SYT16: variants seen among roughly 807,000 people sequenced by gnomAD.
The protein encoded by SYT16 is synaptotagmin-16.
Under a neutral mutation model 61.4 loss-of-function variants are expected in SYT16, and 42 were observed. That is an observed-to-expected ratio of 0.68 (90% CI 0.53 to 0.89). The LOEUF (loss-of-function observed/expected upper bound fraction) is 0.89, where lower values mean the gene tolerates loss of function less well. Among genes scored for constraint, SYT16 ranks in the 40% least tolerant of loss-of-function variants. The pLI, the probability that SYT16 is intolerant of heterozygous loss-of-function variation, is 0.00. For missense variants in SYT16, 804 were observed against 807.3 expected, an observed-to-expected ratio of 1.00 and a Z score of 0.05; for synonymous variants, 314 against 302.3, an observed-to-expected ratio of 1.04 and a Z score of -0.40.
intron 3 of SYT16, among the ~76,000 whole-genome samples, chr14:62,055,834 A>G (rs1419702996): frequency 6.6e-6 from 1 of 152,200 alleles, no homozygotes; most frequent in Non-Finnish European, 1.5e-5. Flanking sequence ...AAGTTCTGCA[A>G]TAGGCTATCT....
chr14:61,886,494 G>C (rs899326768), intron 1 of SYT16, among the ~76,000 whole-genome samples: 1 of 152,156 alleles, frequency 6.6e-6, no homozygotes, highest in Non-Finnish European at 1.5e-5. Context: ...TGTCCACAGC[G>C]TCTTCACCAG....
At position 61,996,082 on chromosome 14, in the gene SYT16, A is replaced by G. The variant is rs769923716; in HGVS notation, c.63A>G (p.Ile21Met). 21 of 1,612,108 alleles carry G rather than the reference A, an allele frequency of 1.3e-5. No individual in the cohort carries two copies. The South Asian group carries it at 2.2e-4, about 17-fold the overall frequency. ...TCTTCCAGCCTTTCTCTTCCTGGAT[A>G]TCTCGGGTTTATGAAGCTCTCCAGC... ...QNFFQPFSSW[I>M]SRVYEALQQA... Residue 21 changes from isoleucine (I) to methionine (M), a missense_variant, in exon 3 of 8, where the codon ATA (isoleucine) becomes ATG (methionine). Coordinates refer to ENST00000683842, the MANE Select transcript of SYT16 (RefSeq NM_001367656.1).
intron 3 of SYT16, among the ~76,000 whole-genome samples, chr14:62,051,177 C>A (rs950726608): frequency 6.6e-5 from 10 of 152,240 alleles, no homozygotes; most frequent in African/African-American, 2.4e-4. Flanking sequence ...ATGGCAGGCG[C>A]CCCTCCCCCA....
In SYT16 at chr14:61,916,350, A is replaced by G. The variant is rs79364596; in HGVS notation, c.-324-53782A>G. 6.2e-3 allele frequency among the ~76,000 whole-genome samples: 944 copies of G among 152,278 alleles called. 9 individuals are homozygous for G. The highest frequency in any genetic ancestry group is 0.017 in the African/African-American group (715 of 41,566). On this transcript the variant is annotated intron_variant, in intron 1 of 7. Coordinates refer to ENST00000683842, the MANE Select transcript of SYT16 (RefSeq NM_001367656.1). ...TGAAGAAAATAAATTTCCATTTCAC[A>G]AATGCATTGTATGTGCAGTCTTTTG...
At chr14:61,859,110 C>T (rs558988326) in intron 1 of SYT16, among the ~76,000 whole-genome samples, 3 of 152,186 alleles carry the variant, frequency 2.0e-5, no homozygotes, top group South Asian at 2.1e-4. Flanking sequence ...TCGCCCGCCT[C>T]GGCCTCCCAA....
At chr14:61,834,768 T>A (rs1218241421) in intron 1 of SYT16, among the ~76,000 whole-genome samples, 1 of 152,172 alleles carries the variant, frequency 6.6e-6, no homozygotes, top group African/African-American at 2.4e-5. Context: ...AGATCACCCA[T>A]CCATCTATCC....
At chr14:62,011,310 C>T (rs1280799664) in intron 3 of SYT16, among the ~76,000 whole-genome samples, 4 of 152,114 alleles carry the variant, frequency 2.6e-5, no homozygotes, top group Non-Finnish European at 5.9e-5. Context: ...GCTCCATTCT[C>T]AAGCTCCATG....
At chr14:61,930,879 G>A (rs2049739483) in intron 1 of SYT16, among the ~76,000 whole-genome samples, 1 of 152,134 alleles carries the variant, frequency 6.6e-6, no homozygotes, top group Admixed American at 6.5e-5. Flanking sequence ...GTAGAGGCAG[G>A]AAAAGATAAG....
chr14:61,844,365 A>G (rs750176180), intron 1 of SYT16, among the ~76,000 whole-genome samples: 9 of 151,976 alleles, frequency 5.9e-5, no homozygotes, highest in Non-Finnish European at 1.2e-4. Context: ...TCCAATTTGG[A>G]TGCCCTTTAT....
At position 62,102,506 on chromosome 14, in the gene SYT16, G is replaced by C. The variant is rs912099052; in HGVS notation, c.*1799G>C. 6.6e-6 allele frequency: 1 copy of C among 152,082 alleles called. No homozygotes were observed. Among genetic ancestry groups the C allele is most frequent in the Non-Finnish European group, 1.5e-5 (1 of 68,020 alleles). 9.4% of individuals were successfully genotyped at this position (152,082 alleles called of 1,614,324 possible). A position where few individuals can be genotyped will look rare whatever the true frequency, so the allele number is the denominator to read the frequency against. On this transcript the variant is annotated 3_prime_UTR_variant, in exon 8 of 8. Coordinates refer to ENST00000683842, the MANE Select transcript of SYT16 (RefSeq NM_001367656.1). ...ACCTTTCTTTGGGAGATCTCAGAGTGCTTTTCCAGCATTATATCCATTAAC... is the reference window on the plus strand; with the variant it reads ...ACCTTTCTTTGGGAGATCTCAGAGTCCTTTTCCAGCATTATATCCATTAAC...
intron 1 of SYT16, among the ~76,000 whole-genome samples, chr14:61,839,731 T>C (rs915899150): frequency 2.6e-5 from 4 of 152,188 alleles, no homozygotes; most frequent in Non-Finnish European, 5.9e-5. Flanking sequence ...AAAATCGTAA[T>C]TTATTTTTTA....
chr14:62,069,126 GAAAAT>G (rs57746842), intron 3 of SYT16, among the ~76,000 whole-genome samples: 7,580 of 152,222 alleles, frequency 0.05, 353 homozygotes, highest in African/African-American at 0.13. Context: ...AAAGCTTTTG[GAAAAT>G]AAAATCGTGT....
At chr14:61,969,875 AG>A (rs2051474809) in intron 1 of SYT16, among the ~76,000 whole-genome samples, 2 of 152,164 alleles carry the variant, frequency 1.3e-5, no homozygotes, top group African/African-American at 4.8e-5. Flanking sequence ...TCCAGGTAGA[AG>A]AAACTACACA....
At chr14:61,948,702 A>G (rs2140470127) in intron 1 of SYT16, among the ~76,000 whole-genome samples, 1 of 152,282 alleles carries the variant, frequency 6.6e-6, no homozygotes, top group South Asian at 2.1e-4. Context: ...CCACGAGAAA[A>G]ATGCAGAAAA....
chr14:61,815,880 C>T (rs184057675), intron 1 of SYT16, among the ~76,000 whole-genome samples: 4 of 152,254 alleles, frequency 2.6e-5, no homozygotes, highest in Admixed American at 2.0e-4. Context: ...GCATATGTTG[C>T]ATTATTAGTA....
chr14:61,859,549 G>A (rs900423248), intron 1 of SYT16, among the ~76,000 whole-genome samples: 3 of 151,814 alleles, frequency 2.0e-5, no homozygotes, highest in East Asian at 3.9e-4. Flanking sequence ...AGAGAGAGCT[G>A]TTTCTCTTCT....
At chr14:61,836,250 C>A (rs954740839) in intron 1 of SYT16, among the ~76,000 whole-genome samples, 6 of 152,192 alleles carry the variant, frequency 3.9e-5, no homozygotes, top group African/African-American at 1.4e-4. Context: ...GTACCTTCCA[C>A]CTCTTTGTGC....
At chr14:61,870,796 C>G (rs373452666) in intron 1 of SYT16, among the ~76,000 whole-genome samples, 5 of 152,108 alleles carry the variant, frequency 3.3e-5, no homozygotes, top group African/African-American at 9.7e-5. Flanking sequence ...TGACCTATGT[C>G]TCTTTTTATC....
At chr14:61,897,023 A>G (rs1031860001) in intron 1 of SYT16, among the ~76,000 whole-genome samples, 1 of 152,244 alleles carries the variant, frequency 6.6e-6, no homozygotes, top group African/African-American at 2.4e-5. Flanking sequence ...GTATGAGCAA[A>G]GAATAGTTCT....
Sources: allele counts gnomAD v4.1 joint callset (sites outside exome capture counted in the v4.1 genomes callset), GRCh38; gene constraint gnomAD v4.1.1; transcripts MANE v1.5; gene names NCBI Gene and HGNC (gene_info 2026-07-23, HGNC 2026-07-21).